The following PDZRN3 variants were observed in gnomAD, a reference collection of about 807,000 sequenced individuals.
The protein encoded by PDZRN3 is E3 ubiquitin-protein ligase PDZRN3.
In PDZRN3, 38 loss-of-function variants were observed where a neutral mutation model predicts 85.7. The observed-to-expected ratio is 0.44, with a 90% confidence interval of 0.34 to 0.58. PDZRN3 has a LOEUF of 0.58. Among genes scored for constraint, PDZRN3 ranks in the 20% least tolerant of loss-of-function variants. The probability of loss-of-function intolerance (pLI) is 0.01; values close to 1 mark genes in which losing one functional copy is unlikely to be tolerated. For missense variants in PDZRN3, 1,629 were observed against 1,506.4 expected (o/e 1.08, Z -1.35); for synonymous variants, 759 against 638.0 (o/e 1.19, Z -2.86).
At chr3:73,558,516 GC>G (rs1202248578) in intron 3 of PDZRN3, among the ~76,000 whole-genome samples, 1 of 152,134 alleles carries the variant, frequency 6.6e-6, no homozygotes, top group African/African-American at 2.4e-5. Flanking sequence ...TCCTTCACTG[GC>G]CCTTTTGCAG....
chr3:73,620,579 T>C (rs992251977), intron 1 of PDZRN3, among the ~76,000 whole-genome samples: 49 of 83,330 alleles, frequency 5.9e-4, no homozygotes, highest in Non-Finnish European at 1.2e-3. Context: ...TGGGTTTTTT[T>C]TGTTTTTTTT....
At chr3:73,408,374 G>A (rs563332843) in intron 3 of PDZRN3, 3 of 601,912 alleles carry the variant, frequency 5.0e-6, no homozygotes, top group Middle Eastern at 2.8e-4. Flanking sequence ...TCCAGTGCTC[G>A]TGGGGATCCT....
At chr3:73,416,892 T>TTTTTTTTTTTG (rs1702100672) in intron 3 of PDZRN3, among the ~76,000 whole-genome samples, 2 of 124,990 alleles carry the variant, frequency 1.6e-5, no homozygotes, top group African/African-American at 6.2e-5. Context: ...TTTTTTTTTT[T>TTTTTTTTTTTG]TTTTTTTTTT....
intron 8 of PDZRN3, 106 bp from the exon 9 acceptor site, chr3:73,385,891 C>T (rs1701372219): frequency 1.4e-6 from 1 of 690,412 alleles, no homozygotes. Flanking sequence ...CTAGGGCTTC[C>T]TCCAAGAGTC....
intron 3 of PDZRN3, among the ~76,000 whole-genome samples, chr3:73,505,955 G>A (rs932017398): frequency 6.6e-6 from 1 of 151,968 alleles, no homozygotes; most frequent in Non-Finnish European, 1.5e-5. Flanking sequence ...ATTTAAATAT[G>A]ACAAGTATCC....
rs13088642 is a variant in PDZRN3 at position 73,624,594 on chromosome 3, G to T, written c.232C>A (p.Leu78Met). ...GTCGCGTACGCGCACTTGATGTCCA[G>T]CTTGAGGATAAGGCGCTTGAGCGGC... is the stretch of plus-strand genomic sequence containing the variant. ...VLPLKRLILKLDIKCAYATRG... is the reference protein window; with the variant it reads ...VLPLKRLILKMDIKCAYATRG... The change falls in exon 1 of 10, where the codon CTG (leucine) becomes ATG (methionine). Residue 78 changes from leucine (L) to methionine (M), a missense_variant. Leu to Met is a conservative substitution (Grantham distance 15). Coordinates refer to ENST00000263666, the MANE Select transcript of PDZRN3 (RefSeq NM_015009.3). 2 of 1,556,290 alleles carry T rather than the reference G, an allele frequency of 1.3e-6. No homozygotes were observed. Among genetic ancestry groups the T allele is most frequent in the Non-Finnish European group, 8.7e-7 (1 of 1,155,288 alleles).
intron 3 of PDZRN3, among the ~76,000 whole-genome samples, chr3:73,457,744 C>G (rs1703015814): frequency 6.6e-6 from 1 of 152,120 alleles, no homozygotes; most frequent in African/African-American, 2.4e-5. Context: ...TCTGAGACCT[C>G]AACGAATGCC....
At position 73,427,229 on chromosome 3, in the gene PDZRN3, C is replaced by T. The variant is rs539896443; in HGVS notation, c.919-22834G>A. On this transcript the variant is annotated intron_variant, in intron 3 of 9. Coordinates refer to ENST00000263666, the MANE Select transcript of PDZRN3 (RefSeq NM_015009.3). ...TTTCTCAGGGCAGCACCAGCTGTTC[C>T]GCAGCACAGCTCGACTACATTTTAC... Among the ~76,000 whole-genome samples, 7 of 152,262 alleles carry T rather than the reference C, an allele frequency of 4.6e-5. No homozygotes were observed. The South Asian group carries it at 8.3e-4, about 18-fold the overall frequency.
intron 3 of PDZRN3, among the ~76,000 whole-genome samples, chr3:73,600,356 C>CTCTCTT (rs1359226920): frequency 1.3e-5 from 2 of 151,244 alleles, no homozygotes; most frequent in Non-Finnish European, 3.0e-5. Context: ...CTCTCTCTCT[C>CTCTCTT]TCTCTCTCTC....
Position 73,383,121 on chromosome 3 carries a change from G to T in PDZRN3, c.*244C>A, listed in dbSNP as rs577423091. 1 of 446,294 alleles carries T rather than the reference G, an allele frequency of 2.2e-6. No homozygotes were observed. Among genetic ancestry groups the T allele is most frequent in the African/African-American group, 2.0e-5 (1 of 50,560 alleles). 27.6% of individuals were successfully genotyped at this position (446,294 alleles called of 1,614,324 possible). On this transcript the variant is annotated 3_prime_UTR_variant, in exon 10 of 10. Coordinates refer to ENST00000263666, the MANE Select transcript of PDZRN3 (RefSeq NM_015009.3). ...TATGTAAAAGGGTACAGGTAGAAAAGTACAATTGCTATTTGAAAAAAGCTC... is the reference window on the plus strand; with the variant it reads ...TATGTAAAAGGGTACAGGTAGAAAATTACAATTGCTATTTGAAAAAAGCTC...
intron 3 of PDZRN3, among the ~76,000 whole-genome samples, chr3:73,485,773 G>C (rs150104350): frequency 8.5e-5 from 13 of 152,284 alleles, no homozygotes; most frequent in African/African-American, 2.6e-4. Context: ...CAATTTCAGG[G>C]AAACTGGCAG....
At chr3:73,519,189 A>G (rs1270319019) in intron 3 of PDZRN3, among the ~76,000 whole-genome samples, 1 of 152,186 alleles carries the variant, frequency 6.6e-6, no homozygotes, top group Non-Finnish European at 1.5e-5. Context: ...CCTTGGGCAG[A>G]AAGTAGGGTG....
chr3:73,486,926 T>G (rs1196194349), intron 3 of PDZRN3, among the ~76,000 whole-genome samples: 1 of 29,000 alleles, frequency 3.4e-5, no homozygotes, highest in Non-Finnish European at 6.4e-5. Flanking sequence ...TTATGGCCTA[T>G]TATAAGCTAA....
At chr3:73,576,009 A>G (rs1237951635) in intron 3 of PDZRN3, among the ~76,000 whole-genome samples, 2 of 152,192 alleles carry the variant, frequency 1.3e-5, no homozygotes, top group Non-Finnish European at 2.9e-5. Context: ...GGAGAAAAAG[A>G]GAGAAAAATC....
chr3:73,544,494 T>C (rs1575725066), intron 3 of PDZRN3, among the ~76,000 whole-genome samples: 3 of 152,308 alleles, frequency 2.0e-5, no homozygotes, highest in South Asian at 2.1e-4. Flanking sequence ...GTTGATATGA[T>C]AGTAGGTGTA....
At position 73,476,087 on chromosome 3, in the gene PDZRN3, G is replaced by C. The variant is rs550173095; in HGVS notation, c.919-71692C>G. ...ACTGTGGCAGTCAGCCTCCAACATG[G>C]CCTTAATGATCCCTGCCTCCTGGTA... is the stretch of plus-strand genomic sequence containing the variant. On this transcript the variant is annotated intron_variant, in intron 3 of 9. Coordinates refer to ENST00000263666, the MANE Select transcript of PDZRN3 (RefSeq NM_015009.3). Among the ~76,000 whole-genome samples the C allele has an allele frequency of 2.0e-5, 3 of 152,298 alleles. No individual in the cohort carries two copies. In the South Asian group the frequency reaches 6.2e-4, roughly 32 times the overall value.
At chr3:73,586,598 C>T (rs982754805) in intron 3 of PDZRN3, among the ~76,000 whole-genome samples, 15 of 152,172 alleles carry the variant, frequency 9.9e-5, no homozygotes, top group African/African-American at 3.4e-4. Flanking sequence ...AAACTGCAAA[C>T]CTCACAGGGA....
chr3:73,607,995 A>G (rs1042606961), intron 2 of PDZRN3, among the ~76,000 whole-genome samples: 4 of 152,214 alleles, frequency 2.6e-5, no homozygotes, highest in African/African-American at 4.8e-5. Flanking sequence ...AGATTCTGAA[A>G]CACATCCACT....
intron 3 of PDZRN3, among the ~76,000 whole-genome samples, chr3:73,560,304 C>T (rs1347532637): frequency 6.6e-6 from 1 of 151,890 alleles, no homozygotes; most frequent in Non-Finnish European, 1.5e-5. Context: ...TATTACTGTC[C>T]CCATTTTACC....
Sources: allele counts gnomAD v4.1 joint callset (sites outside exome capture counted in the v4.1 genomes callset), GRCh38; gene constraint gnomAD v4.1.1; transcripts MANE v1.5; gene names NCBI Gene and HGNC (gene_info 2026-07-23, HGNC 2026-07-21).